ZXDC: variants seen among roughly 807,000 people sequenced by gnomAD.
The protein encoded by ZXDC is ZXD family zinc finger C.
ZXDC carries 58 observed loss-of-function variants against 63.6 expected under a neutral mutation model. That is an observed-to-expected ratio of 0.91 (90% CI 0.74 to 1.13). ZXDC has a LOEUF of 1.13. Ranked by LOEUF, ZXDC falls within the 50% of genes most tolerant of loss-of-function variation. The probability of loss-of-function intolerance (pLI) is 0.00; values close to 1 mark genes in which losing one functional copy is unlikely to be tolerated. For synonymous variants in ZXDC, 561 were observed against 496.1 expected (o/e 1.13, Z -1.74); for missense variants, 1,133 against 1,148.9 (o/e 0.99, Z 0.20).
Position 126,475,574 on chromosome 3 carries a change from G to C in ZXDC, c.292C>G (p.Pro98Ala). ...CTCGCCAGGTTGACACGGGAGCCAG[G>C]CTCGGCCTCCTGTGATCCGGCAGCC... ...AEAAGSQEAE[P>A]GSRVNLASRP... The change falls in exon 1 of 10, where the codon CCT becomes GCT. Residue 98 changes from proline to alanine, a missense_variant. By Grantham distance (27) the Pro-to-Ala change is conservative. Transcript: ENST00000389709. 1 of 1,440,078 alleles carries C rather than the reference G, an allele frequency of 6.9e-7. No individual in the cohort carries two copies. The highest frequency in any genetic ancestry group is 1.3e-5 in the South Asian group (1 of 74,942). 89.2% of individuals were successfully genotyped at this position (1,440,078 alleles called of 1,614,324 possible).
At chr3:126,465,116 G>A (rs1934705397) in intron 5 of ZXDC, among the ~76,000 whole-genome samples, 1 of 152,240 alleles carries the variant, frequency 6.6e-6, no homozygotes, top group African/African-American at 2.4e-5. Flanking sequence ...TGGTCACACA[G>A]GAGACGTGAG....
chr3:126,474,940 C>G lies in ZXDC; in HGVS notation c.907+19G>C. The G allele has an allele frequency of 6.5e-7, 1 of 1,548,544 alleles. No homozygotes were observed. The highest frequency in any genetic ancestry group is 8.7e-7 in the Non-Finnish European group (1 of 1,144,508). ...CCTGCAACACCGCGCAGCCCGCCCG[C>G]CCCCGAGAGCGCGGTTACCGGGAAA... On this transcript the variant is annotated intron_variant, in intron 1 of 9. Coordinates refer to ENST00000389709, the MANE Select transcript of ZXDC (RefSeq NM_025112.5).
intron 7 of ZXDC, chr3:126,443,177 G>T (rs1051661445): frequency 6.6e-6 from 1 of 152,228 alleles, no homozygotes; most frequent in African/African-American, 2.4e-5. Flanking sequence ...GGGTAACACA[G>T]ATTCAGTTCC....
At chr3:126,465,352 A>G (rs1254089041) in intron 5 of ZXDC, among the ~76,000 whole-genome samples, 2 of 152,246 alleles carry the variant, frequency 1.3e-5, no homozygotes, top group African/African-American at 4.8e-5. Flanking sequence ...TCCTAGTCCC[A>G]TGCTGCAAAG....
intron 7 of ZXDC, 178 bp from the exon 8 acceptor site, chr3:126,442,124 C>T (rs1455820561): frequency 9.6e-6 from 6 of 622,514 alleles, no homozygotes; most frequent in Non-Finnish European, 1.4e-5. Flanking sequence ...AACAAACAAC[C>T]ATACGAACAA....
At chr3:126,443,508 CT>C (rs1430586384) in intron 7 of ZXDC, 4 of 152,150 alleles carry the variant, frequency 2.6e-5, no homozygotes, top group Admixed American at 2.0e-4. Flanking sequence ...TACTTTATTG[CT>C]AACAAATACC....
At chr3:126,452,287 T>C (rs530339705) in intron 7 of ZXDC, 5 of 985,476 alleles carry the variant, frequency 5.1e-6, no homozygotes, top group East Asian at 1.1e-4. Flanking sequence ...TCTTACACAA[T>C]TGTCCTGGAA....
intron 7 of ZXDC, chr3:126,458,782 T>C: frequency 1.0e-6 from 1 of 985,350 alleles, no homozygotes; most frequent in African/African-American, 1.7e-5. Context: ...CCACACTTCC[T>C]TCTATTATCT....
chr3:126,441,289 A>G, intron 8 of ZXDC: 16 of 989,962 alleles, frequency 1.6e-5, no homozygotes, highest in Non-Finnish European at 1.9e-5. Context: ...AAAACACTGA[A>G]AAGACCCCCA....
intron 7 of ZXDC, chr3:126,451,049 C>G: frequency 1.3e-6 from 1 of 790,304 alleles, no homozygotes; most frequent in Non-Finnish European, 1.5e-6. Context: ...CTCAAGGCCA[C>G]TCCTCATCAC....
chr3:126,454,595 C>A, intron 7 of ZXDC: 1 of 985,404 alleles, frequency 1.0e-6, no homozygotes, highest in Non-Finnish European at 1.2e-6. Flanking sequence ...ATTCAATCTT[C>A]GTCTCTTGAA....
At chr3:126,454,443 AC>A in intron 7 of ZXDC, 1 of 985,408 alleles carries the variant, frequency 1.0e-6, no homozygotes, top group Non-Finnish European at 1.2e-6. Context: ...TGAATTCTGC[AC>A]TTTTCATATT....
At chr3:126,447,081 T>C (rs1301161660) in intron 7 of ZXDC, among the ~76,000 whole-genome samples, 3 of 152,232 alleles carry the variant, frequency 2.0e-5, no homozygotes. Context: ...CCAGGGCATC[T>C]GGCAGGCCCT....
chr3:126,468,278 A>T (rs935350291), intron 4 of ZXDC, among the ~76,000 whole-genome samples: 1 of 152,078 alleles, frequency 6.6e-6, no homozygotes, highest in Admixed American at 6.5e-5. Flanking sequence ...CCTCAGACAT[A>T]CTTCTGGTCT....
rs776202737 is a variant in ZXDC at position 126,461,784 on chromosome 3, A to C, written c.1878T>G (p.Ala626=). ...CTGCTAAGTTACTATTGGAGGTCAA[A>C]GCCAGTGGGTCGTCACTCAAGTTCT... The part of the protein sequence containing the change: ...PMKNLSDDPL[A]LTSNSNLAAH... The change falls in exon 6 of 10, where the codon GCT becomes GCG. Residue 626 remains alanine, a synonymous_variant. Coordinates refer to ENST00000389709, the MANE Select transcript of ZXDC (RefSeq NM_025112.5). 1.9e-6 allele frequency: 3 copies of C among 1,613,892 alleles called. No individual in the cohort carries two copies. The highest frequency in any genetic ancestry group is 2.5e-6 in the Non-Finnish European group (3 of 1,180,010).
chr3:126,450,232 G>A (rs779445049), intron 7 of ZXDC: 24 of 419,572 alleles, frequency 5.7e-5, no homozygotes, highest in Admixed American at 3.6e-4. Flanking sequence ...TTACCTGCCA[G>A]GGCTCCAACC....
chr3:126,439,749 G>C (rs756237574), intron 8 of ZXDC, 22 bp from the exon 9 acceptor site: 1 of 1,546,956 alleles, frequency 6.5e-7, no homozygotes, highest in South Asian at 1.2e-5. Context: ...ACACAGAAAG[G>C]CCTGTCACAT....
At position 126,475,756 on chromosome 3, in the gene ZXDC, C is replaced by T. The variant is rs1935201008; in HGVS notation, c.110G>A (p.Arg37His). ...GCCCCGCACCAGTAGCAGGCGGCGG[C>T]GCGCGGGGCTCGCGCCGAGCGGCGC... Reference protein sequence around the residue: ...APAPLGASPARRRLLLVRGPE... With the variant: ...APAPLGASPAHRRLLLVRGPE... Residue 37 changes from arginine (R) to histidine (H), a missense_variant, in exon 1 of 10, where the codon CGC becomes CAC. Arg to His is a conservative substitution (Grantham distance 29). Transcript: ENST00000389709. The T allele has an allele frequency of 1.7e-6, 2 of 1,157,726 alleles. No individual in the cohort carries two copies. Among genetic ancestry groups the T allele is most frequent in the Non-Finnish European group, 2.1e-6 (2 of 942,380 alleles). 71.7% of individuals were successfully genotyped at this position (1,157,726 alleles called of 1,614,324 possible).
At chr3:126,438,802 C>T (rs932325803) in intron 9 of ZXDC, among the ~76,000 whole-genome samples, 11 of 152,198 alleles carry the variant, frequency 7.2e-5, no homozygotes, top group Non-Finnish European at 1.2e-4. Flanking sequence ...ATTAGGTGTC[C>T]GTCCGCCTGT....
Sources: gnomAD v4.1 joint callset for allele counts (sites outside exome capture counted in the v4.1 genomes callset) on GRCh38, gnomAD v4.1.1 for gene constraint, MANE v1.5 for transcripts, NCBI Gene and HGNC (gene_info 2026-07-23, HGNC 2026-07-21) for gene names.